PYCR3: variants seen among roughly 807,000 people sequenced by gnomAD.
PYCR3 encodes pyrroline-5-carboxylate reductase 3, also known as P5C reductase 3.
In PYCR3, 26 loss-of-function variants were observed where a neutral mutation model predicts 23.4. That is an observed-to-expected ratio of 1.11 (90% CI 0.81 to 1.54). The LOEUF is 1.54. Among genes scored for constraint, PYCR3 ranks in the 40% most tolerant of loss-of-function variants. The probability of loss-of-function intolerance (pLI) is 0.00; values close to 1 mark genes in which losing one functional copy is unlikely to be tolerated. For synonymous variants in PYCR3, 194 were observed against 162.6 expected (o/e 1.19, Z -1.47); for missense variants, 360 against 376.3 (o/e 0.96, Z 0.36).
chr8:143,608,787 G>A (rs1250283322), intron 1 of PYCR3: 1 of 456,218 alleles, frequency 2.2e-6, no homozygotes, highest in Non-Finnish European at 4.4e-6. Context: ...GGAGGCATGC[G>A]GTACTGCCAG....
At chr8:143,607,653 T>C (rs1829440027) in intron 2 of PYCR3, among the ~76,000 whole-genome samples, 1 of 151,724 alleles carries the variant, frequency 6.6e-6, no homozygotes, top group Admixed American at 6.6e-5. Context: ...CAGGTGCACA[T>C]GCACTCATGA....
rs577650003 is a variant in PYCR3 at position 143,606,595 on chromosome 8, C to A, written c.421G>T (p.Gly141Cys). ...GTCTCGCTGCTCCCCACGTGGCGGC[C>A]CCGCGCCATCACTATGGCCCCTTCC... ...VQEGAIVMAR[G>C]RHVGSSETKL... Residue 141 changes from glycine (G) to cysteine (C), a missense_variant, in exon 4 of 6, where the codon GGC becomes TGC. Gly to Cys is a radical substitution (Grantham distance 159). Transcript: ENST00000495276. 1.3e-5 allele frequency: 21 copies of A among 1,612,050 alleles called. No individual in the cohort carries two copies. The highest frequency in any genetic ancestry group is 5.0e-5 in the Admixed American group (3 of 59,922).
chr8:143,609,376 C>T, intron 1 of PYCR3, 82 bp downstream of exon 1: 5 of 1,368,842 alleles, frequency 3.7e-6, no homozygotes, highest in Non-Finnish European at 3.8e-6. Flanking sequence ...GGCCCGCGCC[C>T]CCGGCCCCAC....
Position 143,604,369 on chromosome 8 carries a change from T to TATCATTAAAAA in PYCR3, c.*1330_*1331insTTTTTAATGAT. 6.4e-6 allele frequency: 1 copy of TATCATTAAAAA among 157,256 alleles called. No homozygotes were observed. Among genetic ancestry groups the TATCATTAAAAA allele is most frequent in the Admixed American group, 6.4e-5 (1 of 15,512 alleles). 9.7% of individuals were successfully genotyped at this position (157,256 alleles called of 1,614,324 possible). A position where few individuals can be genotyped will look rare whatever the true frequency, so the allele number is the denominator to read the frequency against. On this transcript the variant is annotated 3_prime_UTR_variant, in exon 6 of 6. Coordinates refer to ENST00000495276, the MANE Select transcript of PYCR3 (RefSeq NM_023078.6). Reference sequence around the variant, plus strand: ...CAGGGGAGGGAGCTTACGGACGGGCTAGGCTCAGGAGAGTAAGAGAGAGCA... The same window carrying TATCATTAAAAA: ...CAGGGGAGGGAGCTTACGGACGGGCTATCATTAAAAAAGGCTCAGGAGAGTAAGAGAGAGCA...
Position 143,605,850 on chromosome 8 carries a change from T to C in PYCR3, c.675A>G (p.Gln225=). The change falls in exon 6 of 6, where the codon CAA becomes CAG. Residue 225 remains glutamine (Q), a synonymous_variant. Transcript: ENST00000495276. ...CGTCTGAGCGCAGCTGGGCTGGGTG[T>C]TGGCCCTCGTGCAGCAGCATCTTGG... ...GTAKMLLHEG[Q]HPAQLRSDVC... 2 of 1,610,188 alleles carry C rather than the reference T, an allele frequency of 1.2e-6. No individual in the cohort carries two copies. Among genetic ancestry groups the C allele is most frequent in the Admixed American group, 1.7e-5 (1 of 59,942 alleles).
chr8:143,606,580 T>TC lies in PYCR3; in HGVS notation c.435dup (p.Ser146GlufsTer18). The TC allele has an allele frequency of 6.2e-7, 1 of 1,612,640 alleles. No homozygotes were observed. The highest frequency in any genetic ancestry group is 8.5e-7 in the Non-Finnish European group (1 of 1,179,914). ...TGCTGCAGGAGCTTGGTCTCGCTGC[T>TC]CCCCACGTGGCGGCCCCGCGCCATC... On this transcript the variant is annotated frameshift_variant, in exon 4 of 6. Transcript: ENST00000495276. LOFTEE classifies it high-confidence loss of function.
In PYCR3 at chr8:143,605,516, C is replaced by T; in HGVS notation, c.*184G>A. ...GCTCACTGGGGAGGGAGGAGTGTCC[C>T]CACTGGTCGGGGCTCCCCCGCCTGC... On this transcript the variant is annotated 3_prime_UTR_variant, in exon 6 of 6. Coordinates refer to ENST00000495276, the MANE Select transcript of PYCR3 (RefSeq NM_023078.6). 2 of 603,780 alleles carry T rather than the reference C, an allele frequency of 3.3e-6. No homozygotes were observed. Among genetic ancestry groups the T allele is most frequent in the Non-Finnish European group, 5.8e-6 (2 of 346,526 alleles). 37.4% of individuals were successfully genotyped at this position (603,780 alleles called of 1,614,324 possible).
In PYCR3 at chr8:143,605,605, C is replaced by A; in HGVS notation, c.*95G>T. On this transcript the variant is annotated 3_prime_UTR_variant, in exon 6 of 6. Transcript: ENST00000495276. ...CAAGGGGAGAAGGAGCAGTAGGAGA[C>A]CCTCATGCAGGAGGGAGGGAGCCGC... 1.7e-5 allele frequency: 19 copies of A among 1,120,464 alleles called. No individual in the cohort carries two copies. In the South Asian group the frequency reaches 1.8e-4, roughly 11 times the overall value. The allele number at this position is 1,120,464 out of a possible 1,614,324, so 69.4% of individuals were successfully genotyped here.
In PYCR3 at chr8:143,604,127, T is replaced by G. The variant is rs1166054925; in HGVS notation, c.*1573A>C. 6.6e-6 allele frequency: 1 copy of G among 152,138 alleles called. No homozygotes were observed. Among genetic ancestry groups the G allele is most frequent in the African/African-American group, 2.4e-5 (1 of 41,404 alleles). 9.4% of individuals were successfully genotyped at this position (152,138 alleles called of 1,614,324 possible). A position where few individuals can be genotyped will look rare whatever the true frequency, so the allele number is the denominator to read the frequency against. On this transcript the variant is annotated 3_prime_UTR_variant, in exon 6 of 6. Transcript: ENST00000495276. ...CAGGTTGGTCTCAAACTCCTGACTT[T>G]GTGATCTGCCCGCCTCGGCCTCCCA...
Position 143,605,890 on chromosome 8 carries a change from G to A in PYCR3, c.643-8C>T, listed in dbSNP as rs1315719198. Reference sequence around the variant, plus strand: ...CAGCATCTTGGCCGTCCCCTGAGGAGAGCGTTAGGGCCTGGTGACGGGGGG... The same window carrying A: ...CAGCATCTTGGCCGTCCCCTGAGGAAAGCGTTAGGGCCTGGTGACGGGGGG... On this transcript the variant is annotated splice_region_variant and splice_polypyrimidine_tract_variant and intron_variant, in intron 5 of 5. Coordinates refer to ENST00000495276, the MANE Select transcript of PYCR3 (RefSeq NM_023078.6). 3.1e-6 allele frequency: 5 copies of A among 1,598,934 alleles called. No homozygotes were observed. Among genetic ancestry groups the A allele is most frequent in the Non-Finnish European group, 4.3e-6 (5 of 1,170,748 alleles).
chr8:143,608,086 T>A lies in PYCR3; in HGVS notation c.132A>T (p.Thr44=). 1 of 1,613,840 alleles carries A rather than the reference T, an allele frequency of 6.2e-7. No homozygotes were observed. Among genetic ancestry groups the A allele is most frequent in the Non-Finnish European group, 8.5e-7 (1 of 1,179,812 alleles). Residue 44 remains threonine (T), a synonymous_variant, in exon 2 of 6, where the codon ACA becomes ACT. Coordinates refer to ENST00000495276, the MANE Select transcript of PYCR3 (RefSeq NM_023078.6). ...EAQHILASAP[T]DRNLCHFQAL... ...CTTGAAAGTGACATAGGTTCCTGTCTGTTGGTGCACTGGCCAGTATGTGCT... is the reference window on the plus strand; with the variant it reads ...CTTGAAAGTGACATAGGTTCCTGTCAGTTGGTGCACTGGCCAGTATGTGCT...
Position 143,606,076 on chromosome 8 carries a change from C to T in PYCR3, c.628G>A (p.Ala210Thr). Reference sequence around the variant, plus strand: ...CCCTCACTCACCAGCAGGGTCTGGGCAGCGATGCGGTGGGCCAGGCTGCTG... The same window carrying T: ...CCCTCACTCACCAGCAGGGTCTGGGTAGCGATGCGGTGGGCCAGGCTGCTG... ...MPSSLAHRIA[A>T]QTLLGTAKML... is the part of the protein sequence containing the mutation. Residue 210 changes from alanine to threonine, a missense_variant, in exon 5 of 6, where the codon GCC becomes ACC. By Grantham distance (58) the Ala-to-Thr change is moderately conservative. Transcript: ENST00000495276. The T allele has an allele frequency of 2.5e-6, 4 of 1,608,950 alleles. No homozygotes were observed. The highest frequency in any genetic ancestry group is 3.4e-6 in the Non-Finnish European group (4 of 1,178,208).
At chr8:143,608,950 G>T (rs1161252232) in intron 1 of PYCR3, 2 of 456,760 alleles carry the variant, frequency 4.4e-6, no homozygotes, top group Non-Finnish European at 8.8e-6. Flanking sequence ...AATGCCTGGA[G>T]GAGTATATGG....
intron 1 of PYCR3, chr8:143,608,848 T>C (rs1348979132): frequency 4.4e-6 from 2 of 456,680 alleles, no homozygotes; most frequent in Non-Finnish European, 4.4e-6. Context: ...TCCCGATTGA[T>C]CTTGACTCTT....
chr8:143,606,627 A>AC lies in PYCR3; in HGVS notation c.388dup (p.Val130GlyfsTer34). The AC allele has an allele frequency of 6.2e-7, 1 of 1,609,780 alleles. No homozygotes were observed. The highest frequency in any genetic ancestry group is 1.1e-5 in the South Asian group (1 of 90,578). On this transcript the variant is annotated frameshift_variant, in exon 4 of 6. Coordinates refer to ENST00000495276, the MANE Select transcript of PYCR3 (RefSeq NM_023078.6). LOFTEE classifies it high-confidence loss of function. The stretch of plus-strand genomic sequence containing the variant: ...CATCACTATGGCCCCTTCCTGGACC[A>AC]CACAGGGCAGGTTGGGCAAGACCCG...
At position 143,604,484 on chromosome 8, in the gene PYCR3, T is replaced by C; in HGVS notation, c.*1216A>G. ...CCTGCAGGTGCCGTTAGCCCTGTTT[T>C]GCACTGGTGGATTGATCTGCTCAGG... On this transcript the variant is annotated 3_prime_UTR_variant, in exon 6 of 6. Coordinates refer to ENST00000495276, the MANE Select transcript of PYCR3 (RefSeq NM_023078.6). The C allele has an allele frequency of 4.3e-6, 1 of 231,884 alleles. No individual in the cohort carries two copies. The highest frequency in any genetic ancestry group is 4.7e-5 in the South Asian group (1 of 21,380). 14.4% of individuals were successfully genotyped at this position (231,884 alleles called of 1,614,324 possible).
chr8:143,606,042 C>T lies in PYCR3; in HGVS notation c.642+20G>A. ...AGGCCTGGGCCTTCCCGATGTTCCC[C>T]AGGGGCCACCCTCACTCACCAGCAG... On this transcript the variant is annotated intron_variant, in intron 5 of 5. Transcript: ENST00000495276. The T allele has an allele frequency of 1.3e-6, 2 of 1,599,880 alleles. No individual in the cohort carries two copies. The highest frequency in any genetic ancestry group is 1.7e-6 in the Non-Finnish European group (2 of 1,173,204).
At position 143,605,599 on chromosome 8, in the gene PYCR3, A is replaced by G; in HGVS notation, c.*101T>C. ...CCTGTGCAAGGGGAGAAGGAGCAGT[A>G]GGAGACCCTCATGCAGGAGGGAGGG... On this transcript the variant is annotated 3_prime_UTR_variant, in exon 6 of 6. Coordinates refer to ENST00000495276, the MANE Select transcript of PYCR3 (RefSeq NM_023078.6). The G allele has an allele frequency of 9.4e-7, 1 of 1,067,676 alleles. No homozygotes were observed. Among genetic ancestry groups the G allele is most frequent in the Non-Finnish European group, 1.3e-6 (1 of 746,892 alleles). The allele number at this position is 1,067,676 out of a possible 1,614,324, so 66.1% of individuals were successfully genotyped here.
chr8:143,606,561 A>G lies in PYCR3; in HGVS notation c.455T>C (p.Leu152Pro). Reference sequence around the variant, plus strand: ...CCCACAGGCCTCCAGCAGATGCTGCAGGAGCTTGGTCTCGCTGCTCCCCAC... The same window carrying G: ...CCCACAGGCCTCCAGCAGATGCTGCGGGAGCTTGGTCTCGCTGCTCCCCAC... ...RHVGSSETKLLQHLLEACGRC... is the reference protein window; with the variant it reads ...RHVGSSETKLPQHLLEACGRC... The change falls in exon 4 of 6, where the codon CTG becomes CCG. Residue 152 changes from leucine to proline, a missense_variant. Leu to Pro is a moderately conservative substitution (Grantham distance 98). Coordinates refer to ENST00000495276, the MANE Select transcript of PYCR3 (RefSeq NM_023078.6). The G allele has an allele frequency of 1.2e-6, 2 of 1,612,864 alleles. No individual in the cohort carries two copies. Among genetic ancestry groups the G allele is most frequent in the Non-Finnish European group, 1.7e-6 (2 of 1,179,922 alleles).
Sources: allele counts gnomAD v4.1 joint callset (sites outside exome capture counted in the v4.1 genomes callset), GRCh38; gene constraint gnomAD v4.1.1; transcripts MANE v1.5; gene names NCBI Gene and HGNC (gene_info 2026-07-23, HGNC 2026-07-21).